TMEM232: variants seen among roughly 807,000 people sequenced by gnomAD.
TMEM232 encodes the protein transmembrane protein 232.
A neutral mutation model predicts 78.8 loss-of-function variants in TMEM232; 80 were observed. That is an observed-to-expected ratio of 1.01 (90% CI 0.85 to 1.22). The LOEUF is 1.22. TMEM232 is among the 50% of genes most tolerant of loss of function. TMEM232 has a pLI of 0.00. For synonymous variants in TMEM232, 297 were observed against 254.3 expected (o/e 1.17, Z -1.60); for missense variants, 881 against 742.2 (o/e 1.19, Z -2.17).
Position 110,625,249 on chromosome 5 carries a change from C to G in TMEM232, c.768+18G>C, listed in dbSNP as rs1580405688. On this transcript the variant is annotated intron_variant, in intron 7 of 13. Coordinates refer to ENST00000455884, the MANE Select transcript of TMEM232 (RefSeq NM_001039763.4). ...TGCATCAGGCAACAGGATATACCCA[C>G]CATACCAGATTACTCACCATATCAG... is the stretch of plus-strand genomic sequence containing the variant. 1 of 1,507,244 alleles carries G rather than the reference C, an allele frequency of 6.6e-7. No individual in the cohort carries two copies. Among genetic ancestry groups the G allele is most frequent in the East Asian group, 2.5e-5 (1 of 39,946 alleles). The allele number at this position is 1,507,244 out of a possible 1,614,324, so 93.4% of individuals were successfully genotyped here. A position where few individuals can be genotyped will look rare whatever the true frequency, so the allele number is the denominator to read the frequency against.
At chr5:110,517,373 C>T (rs964382188) in intron 12 of TMEM232, among the ~76,000 whole-genome samples, 19 of 152,178 alleles carry the variant, frequency 1.2e-4, no homozygotes, top group African/African-American at 4.6e-4. Context: ...AATGTTTAGT[C>T]AACCAGAGAA....
intron 11 of TMEM232, among the ~76,000 whole-genome samples, 157 bp from the exon 12 acceptor site, chr5:110,528,992 T>A (rs1771028422): frequency 6.6e-6 from 1 of 152,182 alleles, no homozygotes; most frequent in African/African-American, 2.4e-5. Context: ...AAATTGCAGT[T>A]TTCCAAAAGA....
chr5:110,688,760 G>C (rs1332862309), intron 1 of TMEM232, among the ~76,000 whole-genome samples: 1 of 152,094 alleles, frequency 6.6e-6, no homozygotes, highest in Non-Finnish European at 1.5e-5. Flanking sequence ...CTGGGAACTG[G>C]GTCACACAAA....
At chr5:110,591,527 A>G (rs944298242) in intron 10 of TMEM232, among the ~76,000 whole-genome samples, 1 of 152,204 alleles carries the variant, frequency 6.6e-6, no homozygotes, top group African/African-American at 2.4e-5. Flanking sequence ...ATTAAACTAC[A>G]TTAACCACCA....
At chr5:110,635,432 T>C in intron 5 of TMEM232, among the ~76,000 whole-genome samples, 1 of 151,830 alleles carries the variant, frequency 6.6e-6, no homozygotes, top group Non-Finnish European at 1.5e-5. Flanking sequence ...TCCAAAAACC[T>C]CAACAAAATA....
intron 2 of TMEM232, among the ~76,000 whole-genome samples, chr5:110,644,901 A>G (rs935708502): frequency 8.6e-5 from 13 of 151,482 alleles, no homozygotes; most frequent in Admixed American, 4.6e-4. Flanking sequence ...CAGAAATGAA[A>G]GTGAAAACAT....
intron 11 of TMEM232, among the ~76,000 whole-genome samples, chr5:110,529,861 C>T (rs1383032957): frequency 6.6e-6 from 1 of 152,084 alleles, no homozygotes; most frequent in African/African-American, 2.4e-5. Context: ...AGTAAAAGGG[C>T]ATATGTTACA....
intron 3 of TMEM232, among the ~76,000 whole-genome samples, chr5:110,396,700 G>C (rs1449154771): frequency 6.6e-6 from 1 of 152,160 alleles, no homozygotes; most frequent in Admixed American, 6.6e-5. Flanking sequence ...CTACAAATTT[G>C]CAGTGCTGTT....
intron 4 of TMEM232, among the ~76,000 whole-genome samples, chr5:110,389,651 C>T (rs1755110076): frequency 1.3e-5 from 2 of 152,176 alleles, no homozygotes; most frequent in African/African-American, 4.8e-5. Context: ...TATTGCACGA[C>T]CTTGCATTAG....
chr5:110,555,858 C>G (rs535953062), intron 11 of TMEM232, among the ~76,000 whole-genome samples: 16 of 152,270 alleles, frequency 1.1e-4, no homozygotes, highest in Non-Finnish European at 1.6e-4. Flanking sequence ...AGGCCTTCCT[C>G]CATCCTTTCA....
intron 1 of TMEM232, chr5:110,667,619 A>C: frequency 4.8e-6 from 1 of 209,696 alleles, no homozygotes; most frequent in Non-Finnish European, 9.3e-6. Context: ...AAACCATTGA[A>C]ACAGCAGCAT....
chr5:110,721,082 G>T (rs1396629790), intron 1 of TMEM232, among the ~76,000 whole-genome samples: 5 of 152,028 alleles, frequency 3.3e-5, no homozygotes, highest in African/African-American at 4.8e-5. Context: ...CAAACTAGTT[G>T]CAGGGGAAAA....
chr5:110,453,868 C>T (rs1760588725), intron 12 of TMEM232, among the ~76,000 whole-genome samples: 1 of 149,386 alleles, frequency 6.7e-6, no homozygotes, highest in African/African-American at 2.4e-5. Context: ...ATCAGCACCA[C>T]AGGCAGTGTG....
At chr5:110,475,212 CA>C (rs1000061539) in intron 12 of TMEM232, among the ~76,000 whole-genome samples, 1 of 151,738 alleles carries the variant, frequency 6.6e-6, no homozygotes. Context: ...TGATTTATGA[CA>C]AAAGTGATCC....
intron 7 of TMEM232, among the ~76,000 whole-genome samples, chr5:110,619,805 T>C (rs1206168414): frequency 6.6e-6 from 1 of 152,062 alleles, no homozygotes; most frequent in African/African-American, 2.4e-5. Context: ...AATAAATAGG[T>C]AAATAAATAT....
intron 1 of TMEM232, among the ~76,000 whole-genome samples, chr5:110,691,251 T>A (rs1794088113): frequency 6.6e-6 from 1 of 152,146 alleles, no homozygotes; most frequent in African/African-American, 2.4e-5. Context: ...ATCAATCACT[T>A]ATTTACTAAT....
intron 12 of TMEM232, among the ~76,000 whole-genome samples, chr5:110,473,579 A>C (rs1276330903): frequency 1.3e-5 from 2 of 149,406 alleles, no homozygotes; most frequent in Non-Finnish European, 3.0e-5. Context: ...CTCAAAAATT[A>C]AAAATTAAAA....
intron 2 of TMEM232, among the ~76,000 whole-genome samples, chr5:110,401,006 A>G (rs527884447): frequency 1.3e-5 from 2 of 152,128 alleles, no homozygotes; most frequent in East Asian, 3.9e-4. Context: ...AATGTATATC[A>G]AAACAACTTT....
intron 11 of TMEM232, among the ~76,000 whole-genome samples, chr5:110,536,174 G>C (rs1351323274): frequency 6.6e-6 from 1 of 152,128 alleles, no homozygotes; most frequent in African/African-American, 2.4e-5. Flanking sequence ...TAAACACAGA[G>C]GCAACTGCAG....
Sources: gnomAD v4.1 joint callset for allele counts (sites outside exome capture counted in the v4.1 genomes callset) on GRCh38, gnomAD v4.1.1 for gene constraint, MANE v1.5 for transcripts, NCBI Gene and HGNC (gene_info 2026-07-23, HGNC 2026-07-21) for gene names.